AP2A1: variants seen among roughly 807,000 people sequenced by gnomAD.
AP2A1 encodes the protein adaptor related protein complex 2 subunit alpha 1.
In AP2A1, 21 loss-of-function variants were observed where a neutral mutation model predicts 107.3. That is an observed-to-expected ratio of 0.20 (90% CI 0.14 to 0.28). The LOEUF is 0.28. AP2A1 is among the 10% of genes least tolerant of loss of function. The probability of loss-of-function intolerance (pLI) is 1.00; values close to 1 mark genes in which losing one functional copy is unlikely to be tolerated. For missense variants in AP2A1, 873 were observed against 1,307.7 expected, an observed-to-expected ratio of 0.67 and a Z score of 5.13; for synonymous variants, 602 against 564.8, an observed-to-expected ratio of 1.07 and a Z score of -0.93.
intron 18 of AP2A1, chr19:49,803,872 G>A: frequency 6.1e-6 from 1 of 163,818 alleles, no homozygotes; most frequent in Non-Finnish European, 1.3e-5. Context: ...GGCGGCTGGA[G>A]GTATCAGTCC....
rs1314112966 is a variant in AP2A1 at position 49,803,327 on chromosome 19, G to A, written c.2295G>A (p.Gln765=). 1 of 1,613,924 alleles carries A rather than the reference G, an allele frequency of 6.2e-7. No individual in the cohort carries two copies. The change falls in exon 18 of 23, where the codon CAG becomes CAA. Residue 765 remains glutamine, a synonymous_variant. Coordinates refer to ENST00000354293, the MANE Select transcript of AP2A1 (RefSeq NM_130787.3). ...TCTATGGCAACAAGACCTCGGTGCAGTTCCAGAATTTCTCACCCACTGTGG... is the reference window on the plus strand; with the variant it reads ...TCTATGGCAACAAGACCTCGGTGCAATTCCAGAATTTCTCACCCACTGTGG... The part of the protein sequence containing the change: ...YLFYGNKTSV[Q]FQNFSPTVVH...
At chr19:49,801,921 G>C (rs1047819687) in intron 14 of AP2A1, 32 bp downstream of exon 14, 6 of 1,459,966 alleles carry the variant, frequency 4.1e-6, no homozygotes, top group Middle Eastern at 1.8e-4. Flanking sequence ...CTGCCAGGGT[G>C]CCTGGGGCTG....
intron 5 of AP2A1, 121 bp downstream of exon 5, chr19:49,792,185 C>G (rs2073152666): frequency 2.9e-6 from 3 of 1,052,048 alleles, no homozygotes; most frequent in Non-Finnish European, 2.7e-6. Context: ...GCTCCCACCT[C>G]AGCCCACGCA....
At chr19:49,795,783 G>A (rs2073205930) in intron 7 of AP2A1, 45 bp downstream of exon 7, 1 of 1,366,014 alleles carries the variant, frequency 7.3e-7, no homozygotes, top group African/African-American at 1.4e-5. Flanking sequence ...GCCTGCTGCT[G>A]GCATCTGGGG....
In AP2A1 at chr19:49,769,951, C is replaced by G. The variant is rs536686676; in HGVS notation, c.67+2751C>G. On this transcript the variant is annotated intron_variant, in intron 1 of 22. Coordinates refer to ENST00000354293, the MANE Select transcript of AP2A1 (RefSeq NM_130787.3). ...TGGCACGATCATACCTCACTGCAAC[C>G]TCCGCCTCCCAGGTTCAAGCAATTC... 2.6e-4 allele frequency among the ~76,000 whole-genome samples: 40 copies of G among 152,200 alleles called. 2 individuals are homozygous for G. In the South Asian group the frequency reaches 8.1e-3, roughly 31 times the overall value.
chr19:49,801,758 C>T lies in AP2A1; in HGVS notation c.1822C>T (p.Arg608Cys). 6.4e-7 allele frequency: 1 copy of T among 1,566,956 alleles called. No individual in the cohort carries two copies. Among genetic ancestry groups the T allele is most frequent in the Non-Finnish European group, 8.6e-7 (1 of 1,158,454 alleles). ...VLEEMPPFPERESSILAKLKR... is the reference protein window; with the variant it reads ...VLEEMPPFPECESSILAKLKR... ...GGAGGAGATGCCGCCCTTCCCCGAG[C>T]GCGAGTCGTCCATCCTGGCCAAGCT... The change falls in exon 14 of 23, where the codon CGC (arginine) becomes TGC (cysteine). Residue 608 changes from arginine (R) to cysteine (C), a missense_variant. Around this residue, in one of 4 missense-constraint regions of AP2A1, gnomAD observed 416 missense variants for 473.4 expected, o/e 0.88. Transcript: ENST00000354293.
chr19:49,773,699 A>G (rs1453256013), intron 1 of AP2A1, among the ~76,000 whole-genome samples: 1 of 152,106 alleles, frequency 6.6e-6, no homozygotes, highest in Non-Finnish European at 1.5e-5. Context: ...GAGGCAAGGA[A>G]AGGGCTTGGG....
At chr19:49,770,428 A>G (rs957818099) in intron 1 of AP2A1, among the ~76,000 whole-genome samples, 3 of 152,160 alleles carry the variant, frequency 2.0e-5, no homozygotes, top group Non-Finnish European at 4.4e-5. Context: ...GACACTGGTG[A>G]ACAGGACAGA....
intron 3 of AP2A1, 39 bp downstream of exon 3, chr19:49,782,128 G>A: frequency 6.7e-7 from 1 of 1,498,058 alleles, no homozygotes; most frequent in African/African-American, 1.4e-5. Flanking sequence ...CTGGACTCCT[G>A]GGTCTGCGGG....
intron 4 of AP2A1, among the ~76,000 whole-genome samples, chr19:49,783,481 G>A (rs2084701929): frequency 6.6e-6 from 1 of 152,158 alleles, no homozygotes; most frequent in African/African-American, 2.4e-5. Flanking sequence ...GCACACAGGT[G>A]AGACTTCTAT....
In AP2A1 at chr19:49,800,243, C is replaced by T. The variant is rs551688871; in HGVS notation, c.1455+93C>T. Reference sequence around the variant, plus strand: ...GGCCGTGGCGCCTGCCAGCCCGCAGCCACCCTCCTTCTCCTGCACTGCCGT... The same window carrying T: ...GGCCGTGGCGCCTGCCAGCCCGCAGTCACCCTCCTTCTCCTGCACTGCCGT... On this transcript the variant is annotated intron_variant, in intron 11 of 22. Coordinates refer to ENST00000354293, the MANE Select transcript of AP2A1 (RefSeq NM_130787.3). 7.8e-6 allele frequency: 11 copies of T among 1,411,072 alleles called. No individual in the cohort carries two copies. The East Asian group carries it at 1.5e-4, about 19-fold the overall frequency. 87.4% of individuals were successfully genotyped at this position (1,411,072 alleles called of 1,614,324 possible).
intron 7 of AP2A1, among the ~76,000 whole-genome samples, 176 bp downstream of exon 7, chr19:49,795,914 G>C (rs989410985): frequency 6.6e-6 from 1 of 152,114 alleles, no homozygotes; most frequent in Non-Finnish European, 1.5e-5. Flanking sequence ...CAGGCAGCCC[G>C]AGGCCCAGCG....
Position 49,805,934 on chromosome 19 carries a change from A to C in AP2A1, c.2648A>C (p.Lys883Thr), listed in dbSNP as rs1235034306. 1 of 1,613,854 alleles carries C rather than the reference A, an allele frequency of 6.2e-7. No individual in the cohort carries two copies. The highest frequency in any genetic ancestry group is 1.7e-5 in the Admixed American group (1 of 60,030). The stretch of plus-strand genomic sequence containing the variant: ...CACCCCATGGACGCAGAAGTTACTA[A>C]GGCCAAGGTGAGAGACCGCGGGCGT... ...ANHPMDAEVT[K>T]AKLLGFGSAL... The change falls in exon 21 of 23, where the codon AAG (lysine) becomes ACG (threonine). Residue 883 changes from lysine (K) to threonine (T), a missense_variant. This residue lies in a region of AP2A1 where 416 missense variants were observed against 473.4 expected (regional missense o/e 0.88). Transcript: ENST00000354293.
Position 49,782,523 on chromosome 19 carries a change from C to T in AP2A1, c.280-8C>T, listed in dbSNP as rs778577128. 2.5e-6 allele frequency: 4 copies of T among 1,612,310 alleles called. No homozygotes were observed. The highest frequency in any genetic ancestry group is 4.5e-5 in the East Asian group (2 of 44,880). The stretch of plus-strand genomic sequence containing the variant: ...GCTCCTAGCCATCCACGACCTCCCT[C>T]CCCACAGGGTTACCTGTTCATTTCT... On this transcript the variant is annotated splice_polypyrimidine_tract_variant and splice_region_variant and intron_variant, in intron 3 of 22. Coordinates refer to ENST00000354293, the MANE Select transcript of AP2A1 (RefSeq NM_130787.3).
At chr19:49,787,350 T>TTG (rs2084753002) in intron 4 of AP2A1, among the ~76,000 whole-genome samples, 9 of 114,896 alleles carry the variant, frequency 7.8e-5, no homozygotes, top group African/African-American at 3.3e-4. Context: ...TTTTTTTGTT[T>TTG]TTTGTTTTTT....
At chr19:49,783,204 T>C (rs1030392352) in intron 4 of AP2A1, among the ~76,000 whole-genome samples, 1 of 152,148 alleles carries the variant, frequency 6.6e-6, no homozygotes, top group African/African-American at 2.4e-5. Flanking sequence ...GGATGAAGTG[T>C]AGAATTTGCC....
At chr19:49,802,833 C>T (rs2073307611) in intron 15 of AP2A1, 116 bp from the exon 16 acceptor site, 2 of 1,269,026 alleles carry the variant, frequency 1.6e-6, no homozygotes, top group Non-Finnish European at 2.2e-6. Context: ...TGTGAGGGGT[C>T]TGGATATGTG....
At position 49,806,198 on chromosome 19, in the gene AP2A1, C is replaced by T. The variant is rs770250621; in HGVS notation, c.2735C>T (p.Thr912Ile). 1 of 1,602,224 alleles carries T rather than the reference C, an allele frequency of 6.2e-7. No homozygotes were observed. Among genetic ancestry groups the T allele is most frequent in the South Asian group, 1.1e-5 (1 of 88,852 alleles). Reference sequence around the variant, plus strand: ...TTCGTGGGGGCGGGGATCATCCAGACTAAAGCCCTGCAGGTGGGCTGTCTG... The same window carrying T: ...TTCGTGGGGGCGGGGATCATCCAGATTAAAGCCCTGCAGGTGGGCTGTCTG... Reference protein sequence around the residue: ...ENFVGAGIIQTKALQVGCLLR... With the variant: ...ENFVGAGIIQIKALQVGCLLR... The change falls in exon 22 of 23, where the codon ACT (threonine) becomes ATT (isoleucine). Residue 912 changes from threonine to isoleucine, a missense_variant. By Grantham distance (89) the Thr-to-Ile change is moderately conservative. This residue lies in a region of AP2A1 where 416 missense variants were observed against 473.4 expected (regional missense o/e 0.88). Coordinates refer to ENST00000354293, the MANE Select transcript of AP2A1 (RefSeq NM_130787.3).
At chr19:49,790,701 A>T (rs2073131289) in intron 4 of AP2A1, among the ~76,000 whole-genome samples, 1 of 152,192 alleles carries the variant, frequency 6.6e-6, no homozygotes, top group Non-Finnish European at 1.5e-5. Context: ...TAACCCCCAG[A>T]ACCTGTGAAT....
Sources: allele counts gnomAD v4.1 joint callset (sites outside exome capture counted in the v4.1 genomes callset), GRCh38; gene constraint gnomAD v4.1.1; regional missense constraint gnomAD v4.1.1; transcripts MANE v1.5; gene names NCBI Gene and HGNC (gene_info 2026-07-23, HGNC 2026-07-21).